SNX29: variants seen among roughly 807,000 people sequenced by gnomAD.
SNX29 encodes sorting nexin-29.
Under a neutral mutation model 102.1 loss-of-function variants are expected in SNX29, and 78 were observed. That is an observed-to-expected ratio of 0.76 (90% CI 0.64 to 0.92). The LOEUF (loss-of-function observed/expected upper bound fraction) is 0.92. SNX29 is among the 40% of genes least tolerant of loss of function. The probability of loss-of-function intolerance (pLI) is 0.00; values close to 1 mark genes in which losing one functional copy is unlikely to be tolerated. For synonymous variants in SNX29, 580 were observed against 414.5 expected (o/e 1.40, Z -4.85); for missense variants, 1,280 against 1,061.7 (o/e 1.21, Z -2.86).
At chr16:12,116,691 G>A (rs2053716472) in intron 11 of SNX29, among the ~76,000 whole-genome samples, 1 of 152,214 alleles carries the variant, frequency 6.6e-6, no homozygotes, top group Non-Finnish European at 1.5e-5. Flanking sequence ...GAAGGAATGA[G>A]GCACTGATAC....
chr16:12,060,890 G>C (rs185067492), intron 8 of SNX29: 3 of 456,012 alleles, frequency 6.6e-6, no homozygotes, highest in Non-Finnish European at 1.3e-5. Flanking sequence ...TAATTGAGCC[G>C]ACTCCCTTTC....
chr16:12,545,652 T>C (rs2077562962), intron 20 of SNX29: 1 of 152,246 alleles, frequency 6.6e-6, no homozygotes, highest in Non-Finnish European at 1.5e-5. Context: ...GTCTACACTA[T>C]GGCCCTTCCC....
Position 12,517,543 on chromosome 16 carries a change from A to G in SNX29, c.2179-7159A>G, listed in dbSNP as rs920168706. ...CAACATCCTCCAGGCCATTCTTCCT[A>G]TGGTCTGCCTGGCCTTCCCTAATTT... On this transcript the variant is annotated intron_variant, in intron 19 of 20. Coordinates refer to ENST00000566228, the MANE Select transcript of SNX29 (RefSeq NM_032167.5). 4.6e-5 allele frequency among the ~76,000 whole-genome samples: 7 copies of G among 152,220 alleles called. No homozygotes were observed. In the South Asian group the frequency reaches 6.2e-4, roughly 14 times the overall value.
intron 19 of SNX29, among the ~76,000 whole-genome samples, chr16:12,524,245 C>T (rs898716423): frequency 5.9e-5 from 9 of 151,972 alleles, no homozygotes; most frequent in African/African-American, 1.7e-4. Flanking sequence ...GAGAAACTCC[C>T]CTGAAGGCAA....
intron 4 of SNX29, among the ~76,000 whole-genome samples, chr16:12,035,626 C>G (rs558966472): frequency 3.3e-5 from 5 of 152,216 alleles, no homozygotes; most frequent in Non-Finnish European, 5.9e-5. Context: ...CAGGCTGGCA[C>G]ATGAGTGAAC....
chr16:12,523,139 G>A (rs146957426), intron 19 of SNX29, among the ~76,000 whole-genome samples: 155 of 152,304 alleles, frequency 1.0e-3, no homozygotes, highest in Non-Finnish European at 1.6e-3. Context: ...CCGGGGACCA[G>A]GGCACGTGAT....
intron 20 of SNX29, among the ~76,000 whole-genome samples, chr16:12,543,609 G>A (rs528691548): frequency 6.6e-6 from 1 of 152,338 alleles, no homozygotes. Context: ...CCCCGATGGA[G>A]TGGGCAGTGC....
chr16:12,017,999 G>C, intron 3 of SNX29, among the ~76,000 whole-genome samples: 1 of 152,004 alleles, frequency 6.6e-6, no homozygotes, highest in East Asian at 1.9e-4. Context: ...CCAGCATCCC[G>C]GGTTCAAGTG....
intron 19 of SNX29, among the ~76,000 whole-genome samples, chr16:12,508,492 T>C (rs1024305195): frequency 1.3e-5 from 2 of 152,252 alleles, no homozygotes; most frequent in Non-Finnish European, 2.9e-5. Context: ...CACTGTGATA[T>C]TCAGGCATTT....
intron 13 of SNX29, among the ~76,000 whole-genome samples, chr16:12,195,970 C>G (rs949660134): frequency 6.7e-6 from 1 of 150,190 alleles, no homozygotes; most frequent in African/African-American, 2.4e-5. Context: ...CCTCATTGAG[C>G]CTCAGTTTCT....
chr16:12,233,425 T>TG (rs1491208122), intron 14 of SNX29, among the ~76,000 whole-genome samples: 23 of 151,342 alleles, frequency 1.5e-4, no homozygotes, highest in African/African-American at 5.7e-4. Flanking sequence ...CAATAGACAC[T>TG]GGGGGCTACA....
Position 12,512,369 on chromosome 16 carries a change from A to ATAT in SNX29, c.2179-12333_2179-12332insTAT, listed in dbSNP as rs2089660367. On this transcript the variant is annotated intron_variant, in intron 19 of 20. Coordinates refer to ENST00000566228, the MANE Select transcript of SNX29 (RefSeq NM_032167.5). Reference sequence around the variant, plus strand: ...CGTCCATCATGGAAGGCCCAGGGAAAATATATATATATATATATATATATA... The same window carrying ATAT: ...CGTCCATCATGGAAGGCCCAGGGAAATATATATATATATATATATATATATATA... 9.0e-3 allele frequency among the ~76,000 whole-genome samples: 395 copies of ATAT among 43,908 alleles called. 55 individuals carry two copies. The highest frequency in any genetic ancestry group is 0.014 in the South Asian group (14 of 966). 28.8% of individuals were successfully genotyped at this position (43,908 alleles called of 152,430 possible). A position where few individuals can be genotyped will look rare whatever the true frequency, so the allele number is the denominator to read the frequency against.
At chr16:12,084,488 C>T (rs766344731) in intron 11 of SNX29, among the ~76,000 whole-genome samples, 3 of 152,212 alleles carry the variant, frequency 2.0e-5, no homozygotes, top group Non-Finnish European at 4.4e-5. Flanking sequence ...TCAGGGATGC[C>T]TTGCATTTCT....
At position 12,524,742 on chromosome 16, in the gene SNX29, A is replaced by T; in HGVS notation, c.2219A>T (p.Asn740Ile). 1 of 1,613,652 alleles carries T rather than the reference A, an allele frequency of 6.2e-7. No homozygotes were observed. ...GAGGAACGGAGAAAGCAGCTCCAGA[A>T]TTACCTGCGCAGCGTCATGAACAAA... ...FVEERRKQLQ[N>I]YLRSVMNKVI... Residue 740 changes from asparagine to isoleucine, a missense_variant, in exon 20 of 21, where the codon AAT (asparagine) becomes ATT (isoleucine). Asn to Ile is a moderately radical substitution (Grantham distance 149). Coordinates refer to ENST00000566228, the MANE Select transcript of SNX29 (RefSeq NM_032167.5).
chr16:12,088,893 G>C (rs1201768471), intron 11 of SNX29, among the ~76,000 whole-genome samples: 1 of 152,198 alleles, frequency 6.6e-6, no homozygotes, highest in Non-Finnish European at 1.5e-5. Context: ...TTCGAGACCA[G>C]CCTGGCCAAC....
At chr16:12,461,970 AAAAAAAAAATATAT>A (rs1205295787) in intron 18 of SNX29, among the ~76,000 whole-genome samples, 9 of 68,442 alleles carry the variant, frequency 1.3e-4, no homozygotes, top group African/African-American at 5.9e-4. Context: ...AAAAAAAAAA[AAAAAAAAAATATAT>A]ATATATATAT....
intron 20 of SNX29, among the ~76,000 whole-genome samples, chr16:12,565,596 C>T (rs2078967939): frequency 6.6e-6 from 1 of 152,210 alleles, no homozygotes; most frequent in Non-Finnish European, 1.5e-5. Flanking sequence ...CAGCAGCCTA[C>T]ACTCACTGGG....
intron 1 of SNX29, among the ~76,000 whole-genome samples, chr16:11,991,511 A>G (rs1005827492): frequency 2.0e-5 from 3 of 151,764 alleles, no homozygotes; most frequent in African/African-American, 7.3e-5. Flanking sequence ...TAAAAATATA[A>G]ATATATGTAA....
intron 15 of SNX29, among the ~76,000 whole-genome samples, chr16:12,321,332 G>T (rs1209108811): frequency 6.6e-6 from 1 of 152,136 alleles, no homozygotes; most frequent in South Asian, 2.1e-4. Flanking sequence ...TGTCCTGGAG[G>T]AATGACTTCC....
Sources: allele counts gnomAD v4.1 joint callset (sites outside exome capture counted in the v4.1 genomes callset), GRCh38; gene constraint gnomAD v4.1.1; transcripts MANE v1.5; gene names NCBI Gene and HGNC (gene_info 2026-07-23, HGNC 2026-07-21).